Variants in DACH1 observed in about 807,000 individuals in gnomAD.
The protein encoded by DACH1 is dachshund family transcription factor 1, also known as dachshund homolog 1.
Under a neutral mutation model 54.2 loss-of-function variants are expected in DACH1, and 12 were observed. The ratio of observed to expected loss-of-function variants is 0.22; its 90% CI spans 0.14 to 0.36. DACH1 has a LOEUF of 0.36. Among genes scored for constraint, DACH1 ranks in the 10% least tolerant of loss-of-function variants. The pLI is 1.00. For synonymous variants in DACH1, 386 were observed against 366.2 expected (o/e 1.05, Z -0.62); for missense variants, 805 against 929.8 (o/e 0.87, Z 1.75).
At chr13:71,833,242 A>G (rs1052965942) in intron 1 of DACH1, among the ~76,000 whole-genome samples, 31 of 151,934 alleles carry the variant, frequency 2.0e-4, no homozygotes, top group African/African-American at 6.8e-4. Flanking sequence ...GATGGGTTCT[A>G]TGGTCCAGTG....
At chr13:71,573,796 A>G (rs548323896) in intron 3 of DACH1, among the ~76,000 whole-genome samples, 148 of 152,244 alleles carry the variant, frequency 9.7e-4, no homozygotes, top group African/African-American at 3.4e-3. Flanking sequence ...TATTCCGGCA[A>G]CATTTAACCT....
intron 8 of DACH1, among the ~76,000 whole-genome samples, chr13:71,476,708 T>A (rs1877552042): frequency 6.6e-6 from 1 of 152,112 alleles, no homozygotes; most frequent in Non-Finnish European, 1.5e-5. Context: ...TGATACATAC[T>A]CGATAAATAA....
At chr13:71,480,750 T>G (rs1334767875) in intron 7 of DACH1, among the ~76,000 whole-genome samples, 2 of 152,174 alleles carry the variant, frequency 1.3e-5, no homozygotes, top group Non-Finnish European at 2.9e-5. Flanking sequence ...TACTCCAGCT[T>G]GACTTGTAAG....
chr13:71,664,707 A>G (rs759028740), intron 2 of DACH1, among the ~76,000 whole-genome samples: 2 of 152,050 alleles, frequency 1.3e-5, no homozygotes, highest in Non-Finnish European at 2.9e-5. Context: ...CAGTGTTAAT[A>G]AACACAAAGG....
chr13:71,520,100 G>A (rs983595723), intron 6 of DACH1, among the ~76,000 whole-genome samples: 2 of 151,034 alleles, frequency 1.3e-5, no homozygotes, highest in Non-Finnish European at 3.0e-5. Context: ...GTATAAGGCA[G>A]CTTAGAGAGA....
chr13:71,590,200 T>C (rs1297559216), intron 3 of DACH1, among the ~76,000 whole-genome samples: 5 of 152,048 alleles, frequency 3.3e-5, no homozygotes, highest in African/African-American at 1.2e-4. Context: ...AGAAAACCTG[T>C]TATATAAGCT....
At chr13:71,597,365 T>A (rs1308432503) in intron 3 of DACH1, among the ~76,000 whole-genome samples, 1 of 152,210 alleles carries the variant, frequency 6.6e-6, no homozygotes, top group Non-Finnish European at 1.5e-5. Flanking sequence ...TAAGTATACA[T>A]AATTTTTTTA....
At chr13:71,854,323 AT>A (rs1211761994) in intron 1 of DACH1, among the ~76,000 whole-genome samples, 1 of 152,000 alleles carries the variant, frequency 6.6e-6, no homozygotes, top group East Asian at 1.9e-4. Context: ...CAAAAAAAAA[AT>A]AAAGGTGGGT....
chr13:71,745,150 T>G (rs1194005078), intron 1 of DACH1, among the ~76,000 whole-genome samples: 1 of 152,216 alleles, frequency 6.6e-6, no homozygotes, highest in Non-Finnish European at 1.5e-5. Flanking sequence ...TCCTTTTTTT[T>G]GTTTCAAAAT....
At chr13:71,828,438 C>T (rs373332458) in intron 1 of DACH1, among the ~76,000 whole-genome samples, 7 of 151,902 alleles carry the variant, frequency 4.6e-5, no homozygotes, top group Admixed American at 3.9e-4. Context: ...GCCAGTTACA[C>T]CCGTGCCATC....
intron 1 of DACH1, among the ~76,000 whole-genome samples, chr13:71,819,105 G>C (rs1432687947): frequency 6.6e-6 from 1 of 152,118 alleles, no homozygotes; most frequent in Non-Finnish European, 1.5e-5. Flanking sequence ...AGGGAGAGGA[G>C]ATCAACCAGT....
intron 3 of DACH1, among the ~76,000 whole-genome samples, chr13:71,578,336 A>G (rs1423510458): frequency 2.0e-5 from 3 of 152,132 alleles, no homozygotes; most frequent in Non-Finnish European, 1.5e-5. Flanking sequence ...AAAGACGTCA[A>G]CTCCATCTTA....
intron 1 of DACH1, among the ~76,000 whole-genome samples, chr13:71,703,193 C>T (rs1464331183): frequency 6.6e-6 from 1 of 152,200 alleles, no homozygotes; most frequent in Non-Finnish European, 1.5e-5. Context: ...ATTAGCTATT[C>T]CCTTCCTGAC....
chr13:71,461,778 T>C lies in DACH1; in HGVS notation c.2083+13363A>G, dbSNP rs1019457833. Among the ~76,000 whole-genome samples the C allele has an allele frequency of 5.9e-5, 9 of 152,098 alleles. No homozygotes were observed. In the East Asian group the frequency reaches 1.2e-3, roughly 20 times the overall value. The stretch of plus-strand genomic sequence containing the variant: ...TTTGGTAAGGACAGTCAAAAGACAA[T>C]GATACTTTGGAACAAGAGAGGCCTA... On this transcript the variant is annotated intron_variant, in intron 10 of 10. Coordinates refer to ENST00000613252, the MANE Select transcript of DACH1 (RefSeq NM_080759.6).
intron 3 of DACH1, among the ~76,000 whole-genome samples, chr13:71,628,286 C>T (rs1025252958): frequency 3.3e-5 from 5 of 152,032 alleles, no homozygotes; most frequent in African/African-American, 9.7e-5. Context: ...ACATCCCTCC[C>T]AAAATCACTT....
intron 6 of DACH1, among the ~76,000 whole-genome samples, chr13:71,522,454 G>A (rs1454136003): frequency 2.0e-5 from 3 of 151,856 alleles, no homozygotes; most frequent in Non-Finnish European, 2.9e-5. Context: ...CACTACTTTC[G>A]CCCCAAATAA....
intron 6 of DACH1, among the ~76,000 whole-genome samples, chr13:71,545,816 T>C (rs535444267): frequency 6.6e-6 from 1 of 152,210 alleles, no homozygotes; most frequent in African/African-American, 2.4e-5. Context: ...AACTTTAACA[T>C]ATTCACAAAT....
At chr13:71,742,326 G>A (rs1346864460) in intron 1 of DACH1, among the ~76,000 whole-genome samples, 3 of 152,078 alleles carry the variant, frequency 2.0e-5, no homozygotes, top group Admixed American at 1.3e-4. Flanking sequence ...TTACTGATAT[G>A]CTATGGAAAT....
intron 1 of DACH1, among the ~76,000 whole-genome samples, chr13:71,788,179 A>G (rs866920289): frequency 6.6e-6 from 1 of 152,180 alleles, no homozygotes. Context: ...CAAATAGGCA[A>G]TGTGGAAGAC....
Sources: gnomAD v4.1 joint callset for allele counts (sites outside exome capture counted in the v4.1 genomes callset) on GRCh38, gnomAD v4.1.1 for gene constraint, MANE v1.5 for transcripts, NCBI Gene and HGNC (gene_info 2026-07-23, HGNC 2026-07-21) for gene names.